Variants in MCMDC2 observed in about 807,000 individuals in gnomAD.
MCMDC2 encodes minichromosome maintenance domain containing 2.
In MCMDC2, 54 loss-of-function variants were observed where a neutral mutation model predicts 75.8. The observed-to-expected ratio is 0.71, with a 90% CI of 0.57 to 0.89. The LOEUF is 0.89. Ranked by LOEUF, MCMDC2 falls within the 40% of genes least tolerant of loss-of-function variation. The pLI is 0.00. For missense variants in MCMDC2, 656 were observed against 780.4 expected, an observed-to-expected ratio of 0.84 and a Z score of 1.90; for synonymous variants, 249 against 274.6, an observed-to-expected ratio of 0.91 and a Z score of 0.92.
chr8:66,909,660 G>C (rs1813030940), intron 14 of MCMDC2, among the ~76,000 whole-genome samples: 1 of 152,160 alleles, frequency 6.6e-6, no homozygotes, highest in Non-Finnish European at 1.5e-5. Context: ...GAACTTGAGA[G>C]ACATAATCAG....
At chr8:66,904,118 T>C (rs1052883487) in intron 13 of MCMDC2, among the ~76,000 whole-genome samples, 1 of 152,126 alleles carries the variant, frequency 6.6e-6, no homozygotes, top group African/African-American at 2.4e-5. Flanking sequence ...GTCATATTAA[T>C]AGAATATATA....
At chr8:66,878,732 A>T in intron 6 of MCMDC2, 36 bp downstream of exon 6, 1 of 1,484,722 alleles carries the variant, frequency 6.7e-7, no homozygotes, top group Non-Finnish European at 9.1e-7. Context: ...TATAATTTTT[A>T]AAATAGTGTC....
chr8:66,904,899 A>G (rs1812845043), intron 13 of MCMDC2, among the ~76,000 whole-genome samples: 1 of 152,200 alleles, frequency 6.6e-6, no homozygotes, highest in Non-Finnish European at 1.5e-5. Context: ...GACTAAAAGA[A>G]AAAGTCAAGG....
intron 4 of MCMDC2, among the ~76,000 whole-genome samples, chr8:66,875,615 C>A (rs1811247151): frequency 6.6e-6 from 1 of 152,132 alleles, no homozygotes; most frequent in Admixed American, 6.6e-5. Flanking sequence ...ATGTTATCAC[C>A]CTTACAAAAG....
intron 14 of MCMDC2, 82 bp from the exon 15 acceptor site, chr8:66,918,916 TTAAAA>T (rs1254229667): frequency 1.8e-5 from 21 of 1,150,838 alleles, no homozygotes; most frequent in Non-Finnish European, 2.3e-6. Context: ...TAAGATTCCA[TTAAAA>T]TATTTTGGTT....
At chr8:66,883,237 A>C (rs1811677778) in intron 8 of MCMDC2, among the ~76,000 whole-genome samples, 1 of 152,228 alleles carries the variant, frequency 6.6e-6, no homozygotes, top group South Asian at 2.1e-4. Context: ...CTTTCCATTT[A>C]ACAGCAACAT....
rs1813501951 is a variant in MCMDC2, at chr8:66,920,904, C to CCAT, written c.*1737_*1739dup. On this transcript the variant is annotated 3_prime_UTR_variant, in exon 15 of 15. Coordinates refer to ENST00000422365, the MANE Select transcript of MCMDC2 (RefSeq NM_173518.5). The stretch of plus-strand genomic sequence containing the variant: ...CCCAGGCTGGTCTCAAGTCATCCTC[C>CCAT]CATCTCAGTACCTCAGCTTCCCAGT... 1 of 152,084 alleles carries CCAT rather than the reference C, an allele frequency of 6.6e-6. No individual in the cohort carries two copies. The allele number at this position is 152,084 out of a possible 1,614,324, so 9.4% of individuals were successfully genotyped here. A position where few individuals can be genotyped will look rare whatever the true frequency, so the allele number is the denominator to read the frequency against.
chr8:66,876,785 G>A (rs1050667139), intron 4 of MCMDC2, among the ~76,000 whole-genome samples: 2 of 151,270 alleles, frequency 1.3e-5, no homozygotes, highest in African/African-American at 4.9e-5. Context: ...ACCCAGGCTG[G>A]AGTCTCACTC....
downstream of MCMDC2, chr8:66,925,415 C>G (rs1035743460): frequency 1.3e-5 from 2 of 152,502 alleles, no homozygotes; most frequent in Non-Finnish European, 2.9e-5. Flanking sequence ...GGAGTTGGAC[C>G]TAAGACCGCG....
intron 14 of MCMDC2, among the ~76,000 whole-genome samples, chr8:66,913,984 A>T (rs1314515741): frequency 6.6e-6 from 1 of 150,434 alleles, no homozygotes; most frequent in Admixed American, 6.6e-5. Flanking sequence ...AAAAAAAAAA[A>T]AGTAAACACA....
chr8:66,877,230 G>A (rs1262086328), intron 4 of MCMDC2, 119 bp from the exon 5 acceptor site: 1 of 557,386 alleles, frequency 1.8e-6, no homozygotes, highest in African/African-American at 2.0e-5. Flanking sequence ...TAAAATTTTG[G>A]TTCCTAAGAA....
At chr8:66,878,976 G>A in intron 7 of MCMDC2, 57 bp downstream of exon 7, 1 of 1,074,426 alleles carries the variant, frequency 9.3e-7, no homozygotes, top group Non-Finnish European at 1.4e-6. Flanking sequence ...AATTGGCTGG[G>A]CACAGTGGCT....
At chr8:66,903,451 T>C (rs184880854) in intron 13 of MCMDC2, among the ~76,000 whole-genome samples, 1 of 152,330 alleles carries the variant, frequency 6.6e-6, no homozygotes, top group East Asian at 1.9e-4. Context: ...ACAATTATTT[T>C]GAGATTACAC....
At chr8:66,886,766 C>T (rs1811861541) in intron 9 of MCMDC2, among the ~76,000 whole-genome samples, 1 of 149,324 alleles carries the variant, frequency 6.7e-6, no homozygotes. Context: ...CAGAGCAAGA[C>T]TCAGTCTCAA....
intron 9 of MCMDC2, among the ~76,000 whole-genome samples, chr8:66,888,522 C>A (rs569690741): frequency 3.2e-4 from 48 of 152,184 alleles, no homozygotes; most frequent in Non-Finnish European, 4.6e-4. Context: ...GCATATCTCT[C>A]CATTTATTTA....
chr8:66,875,108 A>G (rs1305563584), intron 4 of MCMDC2, among the ~76,000 whole-genome samples: 1 of 152,156 alleles, frequency 6.6e-6, no homozygotes, highest in Admixed American at 6.6e-5. Context: ...AGTAAAGGGA[A>G]TAATACAGTG....
At chr8:66,878,129 C>G (rs572693368) in intron 5 of MCMDC2, among the ~76,000 whole-genome samples, 1 of 152,238 alleles carries the variant, frequency 6.6e-6, no homozygotes, top group African/African-American at 2.4e-5. Context: ...TTAATGTCCT[C>G]TCTCAACCCT....
At position 66,903,339 on chromosome 8, in the gene MCMDC2, GACATTTT is replaced by G. The variant is rs571767026; in HGVS notation, c.1770-1886_1770-1880del. ...GTCTAAATCTTACAGATTTATACTT[GACATTTT>G]CTGCCAGTTCTTCATCTGTCTTATT... is the stretch of plus-strand genomic sequence containing the variant. On this transcript the variant is annotated intron_variant, in intron 13 of 14. Coordinates refer to ENST00000422365, the MANE Select transcript of MCMDC2 (RefSeq NM_173518.5). 3.8e-3 allele frequency among the ~76,000 whole-genome samples: 571 copies of G among 152,090 alleles called. 12 individuals are homozygous for G. Among genetic ancestry groups the G allele is most frequent in the Admixed American group, 0.034 (516 of 15,280 alleles).
downstream of MCMDC2, among the ~76,000 whole-genome samples, chr8:66,923,283 T>G (rs996812706): frequency 1.1e-4 from 17 of 152,140 alleles, no homozygotes; most frequent in African/African-American, 4.1e-4. Context: ...CCTGTAAAAT[T>G]AAGTCCCAAG....
Sources: gnomAD v4.1 joint callset for allele counts (sites outside exome capture counted in the v4.1 genomes callset) on GRCh38, gnomAD v4.1.1 for gene constraint, MANE v1.5 for transcripts, NCBI Gene and HGNC (gene_info 2026-07-23, HGNC 2026-07-21) for gene names.